The following NAALADL2 variants were observed in gnomAD, a reference collection of about 807,000 sequenced individuals.
NAALADL2 encodes inactive N-acetylated-alpha-linked acidic dipeptidase-like protein 2.
NAALADL2 carries 76 observed loss-of-function variants against 87.2 expected under a neutral mutation model. That is an observed-to-expected ratio of 0.87 (90% CI 0.72 to 1.05). The LOEUF (loss-of-function observed/expected upper bound fraction) is 1.05. Ranked by LOEUF, NAALADL2 falls within the 50% of genes least tolerant of loss-of-function variation. The pLI, the probability that NAALADL2 is intolerant of heterozygous loss-of-function variation, is 0.00. For synonymous variants in NAALADL2, 354 were observed against 331.0 expected (o/e 1.07, Z -0.75); for missense variants, 1,089 against 945.8 (o/e 1.15, Z -1.99).
chr3:175,164,624 C>T (rs1239538136), intron 2 of NAALADL2, among the ~76,000 whole-genome samples: 1 of 152,068 alleles, frequency 6.6e-6, no homozygotes, highest in Non-Finnish European at 1.5e-5. Context: ...ATATTGGTCA[C>T]TCTGGATAGA....
intron 1 of NAALADL2, among the ~76,000 whole-genome samples, chr3:174,938,004 C>T (rs1737955280): frequency 6.6e-6 from 1 of 151,870 alleles, no homozygotes; most frequent in South Asian, 2.1e-4. Context: ...AAAGTGGAAA[C>T]ATATCCCCTA....
At chr3:175,253,363 A>G (rs746113092) in intron 3 of NAALADL2, among the ~76,000 whole-genome samples, 1 of 152,184 alleles carries the variant, frequency 6.6e-6, no homozygotes, top group Non-Finnish European at 1.5e-5. Flanking sequence ...ATGTTTACAC[A>G]TGGACTACTG....
rs1741288656 is a variant in NAALADL2 at position 175,208,516 on chromosome 3, G to A, written c.546-25415G>A. On this transcript the variant is annotated intron_variant, in intron 2 of 13. Coordinates refer to ENST00000454872, the MANE Select transcript of NAALADL2 (RefSeq NM_207015.3). ...TGGCCATCATTGCTCCTGTTCACTT[G>A]GCACTAGCTGGTCAGTCAGCATGTG... Among the ~76,000 whole-genome samples the A allele has an allele frequency of 2.0e-5, 3 of 152,072 alleles. No homozygotes were observed. In the South Asian group the frequency reaches 6.2e-4, roughly 32 times the overall value.
chr3:175,802,805 TTCTC>T (rs1453120253), intron 13 of NAALADL2, among the ~76,000 whole-genome samples, 196 bp from the exon 14 acceptor site: 1 of 152,048 alleles, frequency 6.6e-6, no homozygotes, highest in Admixed American at 6.6e-5. Flanking sequence ...ATTTCTCTCT[TTCTC>T]ATCAATATGG....
intron 1 of NAALADL2, among the ~76,000 whole-genome samples, chr3:175,070,836 ATATAT>A (rs1315914934): frequency 1.3e-5 from 2 of 152,104 alleles, no homozygotes; most frequent in Admixed American, 1.3e-4. Context: ...TACATAGTAA[ATATAT>A]TAATAGTATA....
intron 1 of NAALADL2, chr3:174,513,619 T>A (rs1202975230): frequency 6.6e-6 from 1 of 152,220 alleles, no homozygotes; most frequent in Non-Finnish European, 1.5e-5. Context: ...CTGTGAGCTC[T>A]TGCTTTTACT....
In NAALADL2 at chr3:174,651,834, T is replaced by C. The variant is rs553586039; in HGVS notation, c.-114-85807T>C. 2.6e-5 allele frequency among the ~76,000 whole-genome samples: 4 copies of C among 152,314 alleles called. No homozygotes were observed. In the South Asian group the frequency reaches 8.3e-4, roughly 32 times the overall value. On this transcript the variant is annotated intron_variant, in intron 2 of 3. Transcript: ENST00000434257. Reference sequence around the variant, plus strand: ...TTTAAATGGAAGTTTAAACTAAACTTACTTATTGAAATATAACACATATAT... The same window carrying C: ...TTTAAATGGAAGTTTAAACTAAACTCACTTATTGAAATATAACACATATAT...
Position 175,087,383 on chromosome 3 carries a change from C to T in NAALADL2, c.44-9407C>T, listed in dbSNP as rs369398070. Among the ~76,000 whole-genome samples, 69 of 152,178 alleles carry T rather than the reference C, an allele frequency of 4.5e-4. 1 individual carries two copies. In the East Asian group the frequency reaches 8.7e-3, roughly 19 times the overall value. ...CTGGGAAGTGAGGAGCGCCTCTGCC[C>T]GGCCGCCACCCCGTCTGGGAGGTGT... On this transcript the variant is annotated intron_variant, in intron 1 of 13. Transcript: ENST00000454872.
intron 5 of NAALADL2, among the ~76,000 whole-genome samples, chr3:175,394,425 A>G (rs1464418589): frequency 6.6e-6 from 1 of 152,226 alleles, no homozygotes; most frequent in Admixed American, 6.5e-5. Flanking sequence ...CTGACATGAT[A>G]ATTTTGCATT....
intron 1 of NAALADL2, among the ~76,000 whole-genome samples, chr3:174,482,870 C>T (rs904693786): frequency 2.6e-5 from 4 of 152,042 alleles, no homozygotes; most frequent in Non-Finnish European, 5.9e-5. Context: ...ATGGCTGTAG[C>T]ATTATAAGAT....
intron 11 of NAALADL2, among the ~76,000 whole-genome samples, chr3:175,644,110 G>GTGCT (rs1203370926): frequency 6.6e-6 from 1 of 152,054 alleles, no homozygotes; most frequent in East Asian, 1.9e-4. Context: ...TGTTTTCTAA[G>GTGCT]TGCTTGTTAA....
intron 4 of NAALADL2, among the ~76,000 whole-genome samples, chr3:175,299,984 T>A (rs1259929242): frequency 6.6e-6 from 1 of 152,180 alleles, no homozygotes; most frequent in Non-Finnish European, 1.5e-5. Context: ...TTAATGAGAC[T>A]TTTTAGGATG....
intron 1 of NAALADL2, among the ~76,000 whole-genome samples, chr3:174,982,779 C>T (rs1337252876): frequency 1.3e-5 from 2 of 151,924 alleles, no homozygotes; most frequent in African/African-American, 2.4e-5. Context: ...GCTTCTGCTA[C>T]GTTTCATAGT....
chr3:174,781,923 A>T (rs1716036378), intron 3 of NAALADL2, among the ~76,000 whole-genome samples: 1 of 152,108 alleles, frequency 6.6e-6, no homozygotes, highest in Non-Finnish European at 1.5e-5. Context: ...TATTGATGTA[A>T]ATATAAAGGA....
intron 2 of NAALADL2, among the ~76,000 whole-genome samples, chr3:175,099,016 G>T (rs1254325974): frequency 1.3e-5 from 2 of 149,230 alleles, no homozygotes; most frequent in Non-Finnish European, 3.0e-5. Context: ...ATTTGTATTT[G>T]TAAGTTTATA....
At chr3:174,487,916 C>T (rs1413699522) in intron 1 of NAALADL2, among the ~76,000 whole-genome samples, 1 of 151,674 alleles carries the variant, frequency 6.6e-6, no homozygotes, top group Non-Finnish European at 1.5e-5. Flanking sequence ...GCAGTAGTCA[C>T]CAGGATTTAC....
chr3:175,324,424 A>T (rs1760428058), intron 5 of NAALADL2, 99 bp downstream of exon 5: 1 of 874,846 alleles, frequency 1.1e-6, no homozygotes, highest in African/African-American at 1.7e-5. Context: ...ATGTCAAATA[A>T]TTCTTAGCAT....
At chr3:175,125,467 G>A (rs76197171) in intron 2 of NAALADL2, among the ~76,000 whole-genome samples, 3,108 of 152,152 alleles carry the variant, frequency 0.02, 52 homozygotes, top group Admixed American at 0.031. Flanking sequence ...ATGGTGGCTT[G>A]TACCAGGATG....
At chr3:174,724,973 G>A (rs752147903) in intron 2 of NAALADL2, among the ~76,000 whole-genome samples, 2 of 152,150 alleles carry the variant, frequency 1.3e-5, no homozygotes, top group Non-Finnish European at 2.9e-5. Context: ...TCAGGAACCT[G>A]ACTTTTCAAA....
Sources: allele counts gnomAD v4.1 joint callset (sites outside exome capture counted in the v4.1 genomes callset), GRCh38; gene constraint gnomAD v4.1.1; transcripts MANE v1.5; gene names NCBI Gene and HGNC (gene_info 2026-07-23, HGNC 2026-07-21).